Variants in RNF144A observed in about 807,000 individuals in gnomAD.
RNF144A encodes the protein ring finger protein 144A.
A neutral mutation model predicts 38.7 loss-of-function variants in RNF144A; 11 were observed. The ratio of observed to expected loss-of-function variants is 0.28; its 90% CI spans 0.18 to 0.47. RNF144A has a LOEUF of 0.47. RNF144A is among the 20% of genes least tolerant of loss of function. The pLI, the probability that RNF144A is intolerant of heterozygous loss-of-function variation, is 0.99. For synonymous variants in RNF144A, 149 were observed against 143.9 expected (o/e 1.04, Z -0.25); for missense variants, 316 against 377.2 (o/e 0.84, Z 1.34).
chr2:7,021,515 C>T (rs419970), intron 6 of RNF144A, among the ~76,000 whole-genome samples: 68,105 of 152,004 alleles, frequency 0.45, 16,360 homozygotes, highest in South Asian at 0.76. Context: ...CCTCTCTTCC[C>T]GTGTCTGGAG....
At chr2:7,027,438 T>C (rs1261089929) in intron 7 of RNF144A, among the ~76,000 whole-genome samples, 1 of 152,242 alleles carries the variant, frequency 6.6e-6, no homozygotes, top group African/African-American at 2.4e-5. Context: ...TAACGCACAG[T>C]ATTTCTGTGA....
At chr2:6,918,726 A>T (rs1407843475) in intron 1 of RNF144A, 193 of 129,316 alleles carry the variant, frequency 1.5e-3, no homozygotes, top group African/African-American at 5.3e-3. Context: ...ATCGCGCCAC[A>T]GCACTCCCGC....
At chr2:7,009,623 G>C (rs1401821968) in intron 3 of RNF144A, among the ~76,000 whole-genome samples, 1 of 151,914 alleles carries the variant, frequency 6.6e-6, no homozygotes, top group Non-Finnish European at 1.5e-5. Context: ...TGAGGAAAGT[G>C]ATCCTTGCCA....
At chr2:7,054,781 C>T (rs1412732687) in intron 6 of RNF144A, among the ~76,000 whole-genome samples, 2 of 152,166 alleles carry the variant, frequency 1.3e-5, no homozygotes, top group Admixed American at 1.3e-4. Flanking sequence ...GACTTCCCAG[C>T]CTCCAGAAAT....
chr2:7,003,552 C>T (rs1485957939), intron 3 of RNF144A, among the ~76,000 whole-genome samples: 1 of 152,214 alleles, frequency 6.6e-6, no homozygotes, highest in Admixed American at 6.5e-5. Flanking sequence ...GTTTGTAGCC[C>T]AGAGCAATAG....
intron 2 of RNF144A, among the ~76,000 whole-genome samples, chr2:6,946,152 A>G (rs1303400353): frequency 6.6e-6 from 1 of 152,230 alleles, no homozygotes; most frequent in Non-Finnish European, 1.5e-5. Context: ...TATTTTAAAC[A>G]TACAGTTTCT....
downstream of RNF144A, among the ~76,000 whole-genome samples, chr2:7,068,993 C>T (rs977904165): frequency 2.6e-5 from 4 of 152,200 alleles, no homozygotes; most frequent in African/African-American, 7.2e-5. Flanking sequence ...TGAAAGGTAG[C>T]TTTTGTCTGT....
chr2:7,034,776 T>C (rs558875354), intron 8 of RNF144A, among the ~76,000 whole-genome samples: 2 of 152,330 alleles, frequency 1.3e-5, no homozygotes, highest in South Asian at 2.1e-4. Flanking sequence ...AAATACTGGA[T>C]GTTGCAGAAA....
intron 2 of RNF144A, among the ~76,000 whole-genome samples, chr2:6,993,428 C>T (rs1236595402): frequency 7.2e-5 from 11 of 152,052 alleles, no homozygotes; most frequent in Admixed American, 7.2e-4. Flanking sequence ...CAGGAGGTCA[C>T]AACAGAGAGG....
At chr2:7,012,166 G>C (rs900217045) in intron 3 of RNF144A, among the ~76,000 whole-genome samples, 7 of 152,152 alleles carry the variant, frequency 4.6e-5, no homozygotes, top group Non-Finnish European at 8.8e-5. Flanking sequence ...CTTCATAATA[G>C]AAAGTAAAAT....
At chr2:7,009,398 G>A (rs552469171) in intron 3 of RNF144A, among the ~76,000 whole-genome samples, 1 of 152,316 alleles carries the variant, frequency 6.6e-6, no homozygotes, top group African/African-American at 2.4e-5. Flanking sequence ...GCAGCTGACT[G>A]TGAGCCTGCC....
intron 1 of RNF144A, among the ~76,000 whole-genome samples, chr2:6,932,248 T>G (rs541013698): frequency 1.3e-5 from 2 of 152,350 alleles, no homozygotes; most frequent in East Asian, 1.9e-4. Context: ...TTCTTTTGAT[T>G]AGTGTTAGCA....
At chr2:7,022,224 T>C (rs1466596697) in intron 6 of RNF144A, among the ~76,000 whole-genome samples, 1 of 152,198 alleles carries the variant, frequency 6.6e-6, no homozygotes, top group Non-Finnish European at 1.5e-5. Flanking sequence ...ATTTTTTGTA[T>C]TGGAGGGTTT....
chr2:7,062,492 G>A (rs1241539942), intron 6 of RNF144A, among the ~76,000 whole-genome samples: 1 of 122,340 alleles, frequency 8.2e-6, no homozygotes, highest in African/African-American at 3.0e-5. Context: ...AATAGTGCTG[G>A]GTGCTAAAAA....
At chr2:7,020,194 G>T (rs1180370890) in intron 5 of RNF144A, among the ~76,000 whole-genome samples, 1 of 152,202 alleles carries the variant, frequency 6.6e-6, no homozygotes, top group African/African-American at 2.4e-5. Flanking sequence ...AAGCAGGGCT[G>T]ACCCAGGGCT....
intron 2 of RNF144A, among the ~76,000 whole-genome samples, chr2:6,955,951 G>A (rs1466329943): frequency 6.6e-6 from 1 of 152,168 alleles, no homozygotes; most frequent in East Asian, 1.9e-4. Context: ...AACAAGAAGT[G>A]TGTTTGCAGC....
At position 7,040,484 on chromosome 2, in the gene RNF144A, T is replaced by C. The variant is rs1466119986; in HGVS notation, c.*724T>C. On this transcript the variant is annotated 3_prime_UTR_variant, in exon 9 of 9. Transcript: ENST00000320892. Reference sequence around the variant, plus strand: ...ATATTGTTGCATTTCCTTGATAATATTGACGTGTTTAAAGGAACATCTCAT... The same window carrying C: ...ATATTGTTGCATTTCCTTGATAATACTGACGTGTTTAAAGGAACATCTCAT... The C allele has an allele frequency of 3.0e-6, 3 of 985,402 alleles. No homozygotes were observed. Among genetic ancestry groups the C allele is most frequent in the African/African-American group, 3.5e-5 (2 of 57,360 alleles). 61.0% of individuals were successfully genotyped at this position (985,402 alleles called of 1,614,324 possible).
rs1025275558 is a variant in RNF144A at position 7,020,524 on chromosome 2, C to T, written c.353C>T (p.Ala118Val). The T allele has an allele frequency of 6.2e-7, 1 of 1,613,718 alleles. No homozygotes were observed. The highest frequency in any genetic ancestry group is 1.3e-5 in the African/African-American group (1 of 74,940). Residue 118 changes from alanine to valine, a missense_variant, in exon 6 of 9, where the codon GCT becomes GTT. Ala to Val is a moderately conservative substitution (Grantham distance 64, BLOSUM62 0). Coordinates refer to ENST00000320892, the MANE Select transcript of RNF144A (RefSeq NM_014746.6). The stretch of plus-strand genomic sequence containing the variant: ...TGGTGCCCGGCGTCCACCTGCCAAG[C>T]TGTGTGTCAGCTCCAGGACGTGGGG... ...RTWCPASTCQ[A>V]VCQLQDVGLQ...
intron 2 of RNF144A, among the ~76,000 whole-genome samples, chr2:6,986,888 A>AACAT (rs1668996823): frequency 6.6e-6 from 1 of 152,130 alleles, no homozygotes; most frequent in Admixed American, 6.5e-5. Flanking sequence ...GGATGATCCA[A>AACAT]ACATCCCCCC....
Sources: gnomAD v4.1 joint callset for allele counts (sites outside exome capture counted in the v4.1 genomes callset) on GRCh38, gnomAD v4.1.1 for gene constraint, MANE v1.5 for transcripts, NCBI Gene and HGNC (gene_info 2026-07-23, HGNC 2026-07-21) for gene names.